GALNT13: variants seen among roughly 807,000 people sequenced by gnomAD.
GALNT13 encodes the protein UDP-GalNAc:polypeptide N-acetylgalactosaminyltransferase 13.
In GALNT13, 28 loss-of-function variants were observed where a neutral mutation model predicts 64.2. The ratio of observed to expected loss-of-function variants is 0.44; its 90% CI spans 0.32 to 0.60. The LOEUF is 0.60. GALNT13 is among the 20% of genes least tolerant of loss of function. GALNT13 has a pLI of 0.05. For synonymous variants in GALNT13, 214 were observed against 224.6 expected, an observed-to-expected ratio of 0.95 and a Z score of 0.42; for missense variants, 577 against 669.8, an observed-to-expected ratio of 0.86 and a Z score of 1.53.
At chr2:154,223,448 CTTTTTT>C (rs61230257) in intron 4 of GALNT13, among the ~76,000 whole-genome samples, 17 of 124,306 alleles carry the variant, frequency 1.4e-4, no homozygotes, top group Non-Finnish European at 2.3e-4. Context: ...TTTTCTTTTT[CTTTTTT>C]TTTTTTTTTT....
At chr2:153,880,776 A>G in intron 1 of GALNT13, among the ~76,000 whole-genome samples, 1 of 152,048 alleles carries the variant, frequency 6.6e-6, no homozygotes, top group East Asian at 1.9e-4. Context: ...TTTTTTTCTT[A>G]AGGTAAATAC....
At chr2:154,101,257 T>G (rs768245662) in intron 3 of GALNT13, among the ~76,000 whole-genome samples, 1 of 152,068 alleles carries the variant, frequency 6.6e-6, no homozygotes, top group Non-Finnish European at 1.5e-5. Context: ...CCTCAATTTT[T>G]TTGGAATAGT....
chr2:153,640,501 C>T, the GALNT13 span, among the ~76,000 whole-genome samples: 7 of 151,998 alleles, frequency 4.6e-5, no homozygotes, highest in Non-Finnish European at 8.8e-5. Flanking sequence ...TGTCAGGGCC[C>T]GGCATGGTGG....
intron 8 of GALNT13, among the ~76,000 whole-genome samples, chr2:154,259,512 C>T (rs1441042953): frequency 6.6e-6 from 1 of 152,104 alleles, no homozygotes; most frequent in Admixed American, 6.6e-5. Context: ...ACTACTGCCT[C>T]AGGTTGTTCT....
chr2:154,104,886 A>G (rs1702531688), intron 3 of GALNT13, among the ~76,000 whole-genome samples: 1 of 152,180 alleles, frequency 6.6e-6, no homozygotes, highest in African/African-American at 2.4e-5. Flanking sequence ...AGGCTGCCTC[A>G]GTTCAGGCTT....
chr2:153,178,421 T>G, the GALNT13 span, among the ~76,000 whole-genome samples: 1 of 152,216 alleles, frequency 6.6e-6, no homozygotes, highest in Non-Finnish European at 1.5e-5. Context: ...TGAGGTGATA[T>G]CTCATTGTGG....
intron 9 of GALNT13, among the ~76,000 whole-genome samples, chr2:154,337,212 A>G (rs1559098154): frequency 6.6e-6 from 1 of 152,062 alleles, no homozygotes; most frequent in Non-Finnish European, 1.5e-5. Flanking sequence ...TTAGTTCAAT[A>G]TGAAGAGACA....
chr2:154,127,709 CGTGTGTGTGTGTG>C (rs1293097511), intron 3 of GALNT13, among the ~76,000 whole-genome samples: 1 of 125,912 alleles, frequency 7.9e-6, no homozygotes, highest in Non-Finnish European at 1.7e-5. Flanking sequence ...CACACACACA[CGTGTGTGTGTGTG>C]GATATGGATA....
chr2:153,490,983 A>T, the GALNT13 span, among the ~76,000 whole-genome samples: 6 of 151,830 alleles, frequency 4.0e-5, no homozygotes, highest in Non-Finnish European at 8.8e-5. Context: ...AAAAATTATA[A>T]AGGAATATCT....
chr2:153,631,315 G>C, the GALNT13 span, among the ~76,000 whole-genome samples: 1 of 152,172 alleles, frequency 6.6e-6, no homozygotes, highest in South Asian at 2.1e-4. Context: ...TAATCGTTTG[G>C]GTATATACCC....
In GALNT13 at chr2:153,904,005, A is replaced by C. The variant is rs1574080006; in HGVS notation, c.-105+2998A>C. Among the ~76,000 whole-genome samples the C allele has an allele frequency of 2.6e-5, 4 of 152,140 alleles. 1 individual carries two copies. The highest frequency in any genetic ancestry group is 2.6e-4 in the Admixed American group (4 of 15,234). ...TGCTTTTCATTATAGTTTTAACTTT[A>C]AATAATGTATCCTTATATGCAAAAT... is the stretch of plus-strand genomic sequence containing the variant. On this transcript the variant is annotated intron_variant, in intron 2 of 12. Transcript: ENST00000392825.
the GALNT13 span, among the ~76,000 whole-genome samples, chr2:153,415,935 G>T: frequency 1.3e-5 from 2 of 152,130 alleles, no homozygotes; most frequent in African/African-American, 4.8e-5. Flanking sequence ...AAAAAGTTCT[G>T]CCATAGCAGC....
chr2:153,182,245 C>T, the GALNT13 span, among the ~76,000 whole-genome samples: 5 of 151,976 alleles, frequency 3.3e-5, no homozygotes, highest in East Asian at 1.9e-4. Context: ...GGGGTTTCAC[C>T]GTGTTAGCCA....
the GALNT13 span, among the ~76,000 whole-genome samples, chr2:153,257,661 C>T: frequency 6.6e-6 from 1 of 152,118 alleles, no homozygotes; most frequent in South Asian, 2.1e-4. Flanking sequence ...CAGCTTTTAA[C>T]AATTGAGTAA....
At chr2:153,764,805 T>A in the GALNT13 span, among the ~76,000 whole-genome samples, 1,863 of 152,312 alleles carry the variant, frequency 0.012, 49 homozygotes, top group African/African-American at 0.042. Context: ...GGCCCCCTGC[T>A]GTGTGCAGCC....
At chr2:154,047,193 G>T (rs1006720202) in intron 3 of GALNT13, among the ~76,000 whole-genome samples, 1 of 151,880 alleles carries the variant, frequency 6.6e-6, no homozygotes, top group Non-Finnish European at 1.5e-5. Context: ...TATTCATTTT[G>T]CTAGAAATTT....
the GALNT13 span, among the ~76,000 whole-genome samples, chr2:153,278,440 C>T: frequency 6.6e-6 from 1 of 152,166 alleles, no homozygotes; most frequent in South Asian, 2.1e-4. Flanking sequence ...AGGCCAATGT[C>T]CAGAGTGGTG....
chr2:154,039,187 G>T (rs1654592642), intron 3 of GALNT13, among the ~76,000 whole-genome samples: 1 of 152,016 alleles, frequency 6.6e-6, no homozygotes, highest in Admixed American at 6.6e-5. Context: ...AGCCATTATG[G>T]AAAACAGTAT....
rs181393999 is a variant in GALNT13, at chr2:154,352,713, T to C, written c.1157-43278T>C. Among the ~76,000 whole-genome samples the C allele has an allele frequency of 2.6e-4, 39 of 152,332 alleles. No homozygotes were observed. The East Asian group carries it at 6.7e-3, about 26-fold the overall frequency. On this transcript the variant is annotated intron_variant, in intron 9 of 12. Coordinates refer to ENST00000392825, the MANE Select transcript of GALNT13 (RefSeq NM_052917.4). ...ATACTATGAGAAATGTTTCCCACACTACATAAGTTTCTTCAATGTACCTCC... is the reference window on the plus strand; with the variant it reads ...ATACTATGAGAAATGTTTCCCACACCACATAAGTTTCTTCAATGTACCTCC...
Sources: allele counts gnomAD v4.1 joint callset (sites outside exome capture counted in the v4.1 genomes callset), GRCh38; gene constraint gnomAD v4.1.1; transcripts MANE v1.5; gene names NCBI Gene and HGNC (gene_info 2026-07-23, HGNC 2026-07-21).